FGD6: variants seen among roughly 807,000 people sequenced by gnomAD.
The protein encoded by FGD6 is FYVE, RhoGEF and PH domain-containing protein 6.
In FGD6, 90 loss-of-function variants were observed where a neutral mutation model predicts 149.4. The observed-to-expected ratio is 0.60, with a 90% CI of 0.51 to 0.72. The LOEUF (loss-of-function observed/expected upper bound fraction) is 0.72. Among genes scored for constraint, FGD6 ranks in the 30% least tolerant of loss-of-function variants. FGD6 has a pLI of 0.00. For synonymous variants in FGD6, 527 were observed against 584.0 expected (o/e 0.90, Z 1.41); for missense variants, 1,437 against 1,684.8 (o/e 0.85, Z 2.57).
At position 95,202,118 on chromosome 12, in the gene FGD6, G is replaced by A. The variant is rs772089143; in HGVS notation, c.2441+6725C>T. ...AAAAACATACATATGGGCTGGCCGC[G>A]GTGAGTCATGCCTGTAATCCCAACA... On this transcript the variant is annotated intron_variant, in intron 2 of 20. Transcript: ENST00000343958. 4.0e-5 allele frequency among the ~76,000 whole-genome samples: 6 copies of A among 151,854 alleles called. No homozygotes were observed. In the South Asian group the frequency reaches 6.2e-4, roughly 16 times the overall value.
At chr12:95,197,631 C>A (rs562351602) in intron 2 of FGD6, among the ~76,000 whole-genome samples, 1 of 152,122 alleles carries the variant, frequency 6.6e-6, no homozygotes, top group Admixed American at 6.5e-5. Context: ...TTTAGCCTTA[C>A]AAAATATTTA....
At chr12:95,169,628 T>C (rs931991034) in intron 3 of FGD6, among the ~76,000 whole-genome samples, 35 of 152,160 alleles carry the variant, frequency 2.3e-4, no homozygotes, top group African/African-American at 8.5e-4. Context: ...CTTTATACGA[T>C]GTATCAGTGA....
At chr12:95,153,693 A>G (rs942378351) in intron 3 of FGD6, among the ~76,000 whole-genome samples, 1 of 152,052 alleles carries the variant, frequency 6.6e-6, no homozygotes, top group Non-Finnish European at 1.5e-5. Flanking sequence ...AACAAAAATA[A>G]TTAGTTAATA....
At chr12:95,123,149 G>A (rs902957938) in intron 8 of FGD6, among the ~76,000 whole-genome samples, 1 of 150,732 alleles carries the variant, frequency 6.6e-6, no homozygotes, top group South Asian at 2.1e-4. Context: ...TCCTCACCAG[G>A]GCACAAAATA....
At chr12:95,150,549 ATTATAAT>A (rs1880280303) in intron 5 of FGD6, among the ~76,000 whole-genome samples, 1 of 152,070 alleles carries the variant, frequency 6.6e-6, no homozygotes, top group African/African-American at 2.4e-5. Context: ...TATTAAACAT[ATTATAAT>A]TTATATGAAA....
At chr12:95,157,763 A>T (rs1279442550) in intron 3 of FGD6, among the ~76,000 whole-genome samples, 1 of 152,166 alleles carries the variant, frequency 6.6e-6, no homozygotes, top group Non-Finnish European at 1.5e-5. Flanking sequence ...TTAGATAGAC[A>T]GATGAATATG....
intron 8 of FGD6, 25 bp downstream of exon 8, chr12:95,134,714 T>C (rs1157379722): frequency 3.1e-6 from 5 of 1,609,308 alleles, no homozygotes; most frequent in African/African-American, 1.3e-5. Context: ...AACTGGGTGG[T>C]TGGCAAAATG....
At position 95,193,942 on chromosome 12, in the gene FGD6, TA is replaced by T. The variant is rs548498065; in HGVS notation, c.2441+14900del. Among the ~76,000 whole-genome samples, 21 of 152,214 alleles carry T rather than the reference TA, an allele frequency of 1.4e-4. No individual in the cohort carries two copies. The East Asian group carries it at 1.5e-3, about 11-fold the overall frequency. ...ACTTTATTATTTTATATTTTATTTTTATTTTTTTGGAGACAGGGTCTCACTC... is the reference window on the plus strand; with the variant it reads ...ACTTTATTATTTTATATTTTATTTTTTTTTTTTGGAGACAGGGTCTCACTC... On this transcript the variant is annotated intron_variant, in intron 2 of 20. Transcript: ENST00000343958.
Position 95,209,478 on chromosome 12 carries a change from T to C in FGD6, c.1806A>G (p.Arg602=), listed in dbSNP as rs1200636316. 2 of 1,612,334 alleles carry C rather than the reference T, an allele frequency of 1.2e-6. No individual in the cohort carries two copies. Among genetic ancestry groups the C allele is most frequent in the African/African-American group, 1.3e-5 (1 of 74,900 alleles). ...SEPSTALTKP[R]AKSLSAMDVE... ...CATCCATAGCAGATAACGATTTTGC[T>C]CTGGGCTTGGTTAGGGCTGTTGAAG... The change falls in exon 2 of 21, where the codon AGA becomes AGG. Residue 602 remains arginine, a synonymous_variant. Coordinates refer to ENST00000343958, the MANE Select transcript of FGD6 (RefSeq NM_018351.4).
intron 1 of FGD6, among the ~76,000 whole-genome samples, chr12:95,213,191 C>T (rs919245962): frequency 6.6e-6 from 1 of 152,124 alleles, no homozygotes; most frequent in African/African-American, 2.4e-5. Flanking sequence ...TCCCAACGGC[C>T]CATCTTACTC....
chr12:95,167,411 G>A (rs1380632434), intron 3 of FGD6, among the ~76,000 whole-genome samples: 1 of 152,086 alleles, frequency 6.6e-6, no homozygotes, highest in Non-Finnish European at 1.5e-5. Context: ...TCTTGATTAT[G>A]GCTACCCTAG....
At chr12:95,194,519 GCCA>G (rs1302854997) in intron 2 of FGD6, among the ~76,000 whole-genome samples, 1 of 152,212 alleles carries the variant, frequency 6.6e-6, no homozygotes, top group Non-Finnish European at 1.5e-5. Context: ...ACAGGCGTGA[GCCA>G]CCACGCCTGG....
intron 2 of FGD6, among the ~76,000 whole-genome samples, chr12:95,178,910 T>C (rs1308329216): frequency 1.3e-5 from 2 of 152,186 alleles, no homozygotes; most frequent in Non-Finnish European, 2.9e-5. Context: ...TCTTAAGTTT[T>C]AGAGGTTTTA....
At chr12:95,090,228 G>A (rs1878009213) in intron 17 of FGD6, among the ~76,000 whole-genome samples, 1 of 152,008 alleles carries the variant, frequency 6.6e-6, no homozygotes, top group Admixed American at 6.6e-5. Flanking sequence ...TGCGCTAAGA[G>A]GTCAGCATGA....
intron 2 of FGD6, among the ~76,000 whole-genome samples, chr12:95,204,460 A>C (rs1308484546): frequency 2.6e-5 from 4 of 151,938 alleles, no homozygotes; most frequent in African/African-American, 9.7e-5. Flanking sequence ...GAGGTAGAGA[A>C]ACTCACTGCC....
chr12:95,175,536 A>C (rs1881110679), intron 2 of FGD6, among the ~76,000 whole-genome samples: 1 of 152,158 alleles, frequency 6.6e-6, no homozygotes, highest in South Asian at 2.1e-4. Context: ...GCTTGAGCCC[A>C]GGAGTTTGAG....
At chr12:95,146,910 C>G (rs1032814893) in intron 5 of FGD6, among the ~76,000 whole-genome samples, 2 of 152,142 alleles carry the variant, frequency 1.3e-5, no homozygotes, top group Non-Finnish European at 1.5e-5. Flanking sequence ...GTATGAGCAT[C>G]TGAGGCAATG....
chr12:95,086,540 T>TC (rs1321688781), intron 18 of FGD6, among the ~76,000 whole-genome samples: 1 of 134,074 alleles, frequency 7.5e-6, no homozygotes, highest in Non-Finnish European at 1.6e-5. Flanking sequence ...TTTTTTCTTT[T>TC]TTTTTTTTTT....
In FGD6 at chr12:95,209,215, G is replaced by T; in HGVS notation, c.2069C>A (p.Ala690Glu). Residue 690 changes from alanine to glutamate, a missense_variant, in exon 2 of 21, where the codon GCA becomes GAA. Ala to Glu is a moderately radical substitution (Grantham distance 107, BLOSUM62 -1). Around this residue, in one of 2 missense-constraint regions of FGD6, gnomAD observed 1,055 missense variants for 1,146.0 expected, o/e 0.92. Transcript: ENST00000343958. The stretch of plus-strand genomic sequence containing the variant: ...CAGGCTATAGTTTTCTGTGGAATAT[G>T]CCTTGATGGGTTTACTTCTCTTCTC... Reference protein sequence around the residue: ...GEEKRSKPIKAYSTENYSLES... With the variant: ...GEEKRSKPIKEYSTENYSLES... The T allele has an allele frequency of 6.2e-7, 1 of 1,614,020 alleles. No homozygotes were observed. Among genetic ancestry groups the T allele is most frequent in the Non-Finnish European group, 8.5e-7 (1 of 1,180,018 alleles).
Sources: gnomAD v4.1 joint callset for allele counts (sites outside exome capture counted in the v4.1 genomes callset) on GRCh38, gnomAD v4.1.1 for gene constraint, gnomAD v4.1.1 regional missense constraint, MANE v1.5 for transcripts, NCBI Gene and HGNC (gene_info 2026-07-23, HGNC 2026-07-21) for gene names.